Variants in MYO1E observed in about 807,000 individuals in gnomAD.
MYO1E encodes the protein unconventional myosin-Ie.
Under a neutral mutation model 151.1 loss-of-function variants are expected in MYO1E, and 68 were observed. The ratio of observed to expected loss-of-function variants is 0.45; its 90% CI spans 0.37 to 0.55. The LOEUF is 0.55. MYO1E is among the 20% of genes least tolerant of loss of function. The probability of loss-of-function intolerance (pLI) is 0.00; values close to 1 mark genes in which losing one functional copy is unlikely to be tolerated. For missense variants in MYO1E, 1,363 were observed against 1,389.3 expected, an observed-to-expected ratio of 0.98 and a Z score of 0.30; for synonymous variants, 601 against 501.7, an observed-to-expected ratio of 1.20 and a Z score of -2.64.
intron 1 of MYO1E, among the ~76,000 whole-genome samples, chr15:59,276,820 C>T (rs1368917452): frequency 1.3e-5 from 2 of 152,092 alleles, no homozygotes; most frequent in Non-Finnish European, 2.9e-5. Context: ...AGGGTGGGGA[C>T]CAGGAAGAGC....
intron 4 of MYO1E, among the ~76,000 whole-genome samples, chr15:59,245,133 G>A (rs1317979152): frequency 6.6e-6 from 1 of 152,146 alleles, no homozygotes; most frequent in East Asian, 1.9e-4. Flanking sequence ...GAAATTGGGT[G>A]GACCCACAGC....
At chr15:59,339,749 C>T (rs999166728) in intron 1 of MYO1E, among the ~76,000 whole-genome samples, 2 of 152,142 alleles carry the variant, frequency 1.3e-5, no homozygotes, top group African/African-American at 2.4e-5. Flanking sequence ...AGCAGTTTTG[C>T]GGCCAAGGCC....
chr15:59,342,587 T>A (rs1216749303), intron 1 of MYO1E, among the ~76,000 whole-genome samples: 1 of 152,210 alleles, frequency 6.6e-6, no homozygotes, highest in Non-Finnish European at 1.5e-5. Flanking sequence ...TGTCTTTTGA[T>A]TGCAGAGTTT....
At chr15:59,199,334 C>T (rs1172285968) in intron 16 of MYO1E, among the ~76,000 whole-genome samples, 1 of 152,122 alleles carries the variant, frequency 6.6e-6, no homozygotes. Flanking sequence ...CCAGCCACCT[C>T]GGTCTCCCAA....
chr15:59,338,904 G>A (rs1376993565), intron 1 of MYO1E, among the ~76,000 whole-genome samples: 1 of 152,210 alleles, frequency 6.6e-6, no homozygotes, highest in Non-Finnish European at 1.5e-5. Context: ...GGCCGAGGCA[G>A]GTGGATCACC....
At chr15:59,186,671 G>A (rs909480411) in intron 18 of MYO1E, among the ~76,000 whole-genome samples, 1 of 152,182 alleles carries the variant, frequency 6.6e-6, no homozygotes, top group Non-Finnish European at 1.5e-5. Flanking sequence ...AGAATGGCTT[G>A]AGCCCAGGAG....
At chr15:59,277,321 C>T (rs1393168363) in intron 1 of MYO1E, among the ~76,000 whole-genome samples, 4 of 152,000 alleles carry the variant, frequency 2.6e-5, no homozygotes, top group Non-Finnish European at 5.9e-5. Context: ...CCAAGGTGGG[C>T]GGATCACAAG....
intron 4 of MYO1E, among the ~76,000 whole-genome samples, chr15:59,244,721 A>G (rs543647764): frequency 6.6e-6 from 1 of 152,350 alleles, no homozygotes; most frequent in East Asian, 1.9e-4. Context: ...TAACAGTTTC[A>G]TTACCTCTTT....
intron 2 of MYO1E, among the ~76,000 whole-genome samples, chr15:59,267,886 G>T (rs949845648): frequency 6.6e-6 from 1 of 152,048 alleles, no homozygotes; most frequent in African/African-American, 2.4e-5. Flanking sequence ...TCAAAAATAG[G>T]GAGTTTTATT....
At position 59,323,618 on chromosome 15, in the gene MYO1E, T is replaced by C. The variant is rs185581243; in HGVS notation, c.3+48880A>G. On this transcript the variant is annotated intron_variant, in intron 1 of 27. Coordinates refer to ENST00000288235, the MANE Select transcript of MYO1E (RefSeq NM_004998.4). ...TTACAAGAAGCCGAGATCGCACCAC[T>C]GCACTCCAGCCTGGGTGACAGAATG... Among the ~76,000 whole-genome samples, 23 of 151,366 alleles carry C rather than the reference T, an allele frequency of 1.5e-4. No homozygotes were observed. In the East Asian group the frequency reaches 3.7e-3, roughly 24 times the overall value.
intron 1 of MYO1E, among the ~76,000 whole-genome samples, chr15:59,364,986 T>C (rs1330790668): frequency 1.3e-5 from 2 of 151,946 alleles, no homozygotes; most frequent in African/African-American, 4.8e-5. Flanking sequence ...AATTACTGTG[T>C]TAGGGTGTGG....
At chr15:59,155,718 A>C (rs1356133941) in intron 25 of MYO1E, among the ~76,000 whole-genome samples, 3 of 152,200 alleles carry the variant, frequency 2.0e-5, no homozygotes, top group African/African-American at 7.2e-5. Context: ...TCTTCAAAGA[A>C]GAAAGGAGGA....
intron 1 of MYO1E, among the ~76,000 whole-genome samples, chr15:59,310,602 C>G (rs1369286345): frequency 6.6e-6 from 1 of 152,148 alleles, no homozygotes; most frequent in Non-Finnish European, 1.5e-5. Context: ...TCGGAAGGAG[C>G]GTGGTCCTGA....
chr15:59,305,395 A>G (rs1447778917), intron 1 of MYO1E, among the ~76,000 whole-genome samples: 3 of 151,982 alleles, frequency 2.0e-5, no homozygotes, highest in Non-Finnish European at 2.9e-5. Context: ...GAGTTTTGCC[A>G]TGTTGCCCAG....
At position 59,195,446 on chromosome 15, in the gene MYO1E, G is replaced by A. The variant is rs192523461; in HGVS notation, c.1805+15C>T. Reference sequence around the variant, plus strand: ...AAAAGGTCCCGGCCCCACCTAAGCCGGTTTCCCCCGATACCTGCTTTCCTC... The same window carrying A: ...AAAAGGTCCCGGCCCCACCTAAGCCAGTTTCCCCCGATACCTGCTTTCCTC... On this transcript the variant is annotated intron_variant, in intron 17 of 27. Coordinates refer to ENST00000288235, the MANE Select transcript of MYO1E (RefSeq NM_004998.4). 4.2e-5 allele frequency: 68 copies of A among 1,602,708 alleles called. No individual in the cohort carries two copies. The East Asian group carries it at 7.4e-4, about 17-fold the overall frequency.
At chr15:59,241,866 C>A (rs2080101772) in intron 4 of MYO1E, among the ~76,000 whole-genome samples, 1 of 151,866 alleles carries the variant, frequency 6.6e-6, no homozygotes, top group Non-Finnish European at 1.5e-5. Context: ...CTGCAGTGAG[C>A]TATTGTTGAG....
intron 6 of MYO1E, among the ~76,000 whole-genome samples, chr15:59,230,941 C>T (rs748824830): frequency 6.6e-6 from 1 of 152,180 alleles, no homozygotes; most frequent in Non-Finnish European, 1.5e-5. Flanking sequence ...ACTGGATAAA[C>T]ATTTGTTTCT....
intron 14 of MYO1E, 46 bp from the exon 15 acceptor site, chr15:59,205,531 A>ATTAATTGAACAAAATCATTT: frequency 6.6e-7 from 1 of 1,509,684 alleles, no homozygotes; most frequent in Non-Finnish European, 9.1e-7. Flanking sequence ...ACAAAATGTA[A>ATTAATTGAACAAAATCATTT]TTAATTGAAC....
chr15:59,300,455 A>T (rs1385234012), intron 1 of MYO1E, among the ~76,000 whole-genome samples: 1 of 151,932 alleles, frequency 6.6e-6, no homozygotes, highest in Non-Finnish European at 1.5e-5. Flanking sequence ...ACCACTGGAC[A>T]CTCCCACAAA....
Sources: allele counts gnomAD v4.1 joint callset (sites outside exome capture counted in the v4.1 genomes callset), GRCh38; gene constraint gnomAD v4.1.1; transcripts MANE v1.5; gene names NCBI Gene and HGNC (gene_info 2026-07-23, HGNC 2026-07-21).